CNTNAP2: variants seen among roughly 807,000 people sequenced by gnomAD.
CNTNAP2 encodes contactin-associated protein-like 2.
In CNTNAP2, 98 loss-of-function variants were observed where a neutral mutation model predicts 155.2. The observed-to-expected ratio is 0.63, with a 90% CI of 0.54 to 0.75. The LOEUF (loss-of-function observed/expected upper bound fraction) is 0.75, where lower values mean the gene tolerates loss of function less well. Among genes scored for constraint, CNTNAP2 ranks in the 30% least tolerant of loss-of-function variants. CNTNAP2 has a pLI of 0.00. For missense variants in CNTNAP2, 1,727 were observed against 1,688.1 expected (o/e 1.02, Z -0.40); for synonymous variants, 651 against 631.2 (o/e 1.03, Z -0.47).
chr7:147,291,294 A>G (rs1483047319), intron 8 of CNTNAP2, among the ~76,000 whole-genome samples: 1 of 151,978 alleles, frequency 6.6e-6, no homozygotes, highest in East Asian at 1.9e-4. Context: ...TGCATGAGGT[A>G]TTTGTCCTAA....
chr7:147,292,338 G>T (rs1805333289), intron 8 of CNTNAP2, among the ~76,000 whole-genome samples: 1 of 151,972 alleles, frequency 6.6e-6, no homozygotes, highest in Non-Finnish European at 1.5e-5. Flanking sequence ...AAAAACAATT[G>T]ACTACCTACA....
At chr7:147,491,563 G>C (rs1224731599) in intron 11 of CNTNAP2, among the ~76,000 whole-genome samples, 1 of 152,156 alleles carries the variant, frequency 6.6e-6, no homozygotes, top group Non-Finnish European at 1.5e-5. Flanking sequence ...TGCATCTCTG[G>C]CAGGAGGTGG....
Position 146,873,792 on chromosome 7 carries a change from A to G in CNTNAP2, c.402+33888A>G, listed in dbSNP as rs531994649. ...TGAGGGGGAAGTGTTTACTACATTC[A>G]GAGAGCCTGGGTCATATTCTGTTAG... On this transcript the variant is annotated intron_variant, in intron 3 of 23. Transcript: ENST00000361727. 5.9e-5 allele frequency among the ~76,000 whole-genome samples: 9 copies of G among 152,312 alleles called. No individual in the cohort carries two copies. In the East Asian group the frequency reaches 1.7e-3, roughly 29 times the overall value.
intron 8 of CNTNAP2, among the ~76,000 whole-genome samples, chr7:147,263,352 C>A (rs1242577002): frequency 2.1e-5 from 3 of 144,894 alleles, no homozygotes; most frequent in Non-Finnish European, 4.5e-5. Flanking sequence ...CAGAGGGAGA[C>A]CCTGCCTGGG....
At chr7:147,041,177 C>T (rs371959894) in intron 3 of CNTNAP2, among the ~76,000 whole-genome samples, 1 of 152,084 alleles carries the variant, frequency 6.6e-6, no homozygotes, top group African/African-American at 2.4e-5. Context: ...TCAGACAGAA[C>T]CTGTTAAAAG....
At chr7:146,166,355 A>G (rs1798312325) in intron 1 of CNTNAP2, among the ~76,000 whole-genome samples, 1 of 152,110 alleles carries the variant, frequency 6.6e-6, no homozygotes, top group African/African-American at 2.4e-5. Context: ...GGCATCCCAA[A>G]GTGCTGGGAT....
chr7:147,253,382 TG>T (rs1266992354), intron 8 of CNTNAP2, among the ~76,000 whole-genome samples: 1 of 139,100 alleles, frequency 7.2e-6, no homozygotes, highest in Non-Finnish European at 1.6e-5. Context: ...ACAGGTTCTC[TG>T]TTTTTTTTTT....
At chr7:147,017,695 C>G (rs1798748641) in intron 3 of CNTNAP2, among the ~76,000 whole-genome samples, 1 of 151,644 alleles carries the variant, frequency 6.6e-6, no homozygotes, top group Admixed American at 6.6e-5. Context: ...TTACAATACA[C>G]TCTCAAGTCT....
intron 13 of CNTNAP2, among the ~76,000 whole-genome samples, chr7:147,775,378 TATATATATTTATAA>T (rs1251054622): frequency 1.7e-4 from 15 of 87,768 alleles, no homozygotes; most frequent in African/African-American, 5.5e-4. Flanking sequence ...TATATATATT[TATATATATTTATAA>T]ATATATATAT....
intron 4 of CNTNAP2, among the ~76,000 whole-genome samples, chr7:147,090,145 T>C (rs2129272623): frequency 6.6e-6 from 1 of 152,278 alleles, no homozygotes; most frequent in Admixed American, 6.5e-5. Flanking sequence ...CATTCATGCA[T>C]GTTATGGTAA....
At chr7:146,868,459 CA>C (rs1422150917) in intron 3 of CNTNAP2, among the ~76,000 whole-genome samples, 1 of 152,136 alleles carries the variant, frequency 6.6e-6, no homozygotes, top group African/African-American at 2.4e-5. Flanking sequence ...GTGAGGCCTC[CA>C]GCCTTATTCT....
At chr7:147,878,600 T>C (rs1428530077) in intron 13 of CNTNAP2, among the ~76,000 whole-genome samples, 1 of 152,240 alleles carries the variant, frequency 6.6e-6, no homozygotes, top group Non-Finnish European at 1.5e-5. Context: ...AATAACTTAT[T>C]CTAGTTTAAT....
intron 13 of CNTNAP2, among the ~76,000 whole-genome samples, chr7:147,786,450 A>T (rs1050356467): frequency 2.0e-5 from 3 of 152,208 alleles, no homozygotes; most frequent in East Asian, 1.9e-4. Flanking sequence ...CACAACTGTG[A>T]CCTTTATACA....
chr7:147,520,930 C>T (rs894096406), intron 11 of CNTNAP2, among the ~76,000 whole-genome samples: 3 of 152,182 alleles, frequency 2.0e-5, no homozygotes, highest in African/African-American at 7.2e-5. Flanking sequence ...CTGGATATCT[C>T]CCTCCAAAGG....
rs143928281 is a variant in CNTNAP2 at position 147,320,635 on chromosome 7, C to A, written c.1498+20345C>A. ...GGTAGAGTAGTATATAAATTAAAAA[C>A]CTGTTTACTGTGAAATACACTCCTC... On this transcript the variant is annotated intron_variant, in intron 9 of 23. Coordinates refer to ENST00000361727, the MANE Select transcript of CNTNAP2 (RefSeq NM_014141.6). Among the ~76,000 whole-genome samples, 265 of 152,220 alleles carry A rather than the reference C, an allele frequency of 1.7e-3. 1 individual carries two copies. Among genetic ancestry groups the A allele is most frequent in the African/African-American group, 6.2e-3 (258 of 41,546 alleles).
At chr7:147,948,658 C>CATATATATATATATATATAT in intron 14 of CNTNAP2, among the ~76,000 whole-genome samples, 1 of 148,648 alleles carries the variant, frequency 6.7e-6, no homozygotes, top group Non-Finnish European at 1.5e-5. Context: ...CACACACACA[C>CATATATATATATATATATAT]ATATATATAT....
intron 18 of CNTNAP2, among the ~76,000 whole-genome samples, chr7:148,197,907 T>C (rs1486451106): frequency 1.3e-5 from 2 of 152,242 alleles, no homozygotes; most frequent in Non-Finnish European, 2.9e-5. Context: ...TCCTACACCA[T>C]ACAGATTAGT....
At chr7:148,110,586 C>T (rs1298102941) in intron 15 of CNTNAP2, among the ~76,000 whole-genome samples, 1 of 152,222 alleles carries the variant, frequency 6.6e-6, no homozygotes, top group Non-Finnish European at 1.5e-5. Flanking sequence ...AGTTACTTCA[C>T]TACTGGCAGT....
intron 10 of CNTNAP2, among the ~76,000 whole-genome samples, chr7:147,468,390 G>T (rs997520459): frequency 6.6e-6 from 1 of 152,166 alleles, no homozygotes; most frequent in African/African-American, 2.4e-5. Context: ...ATTAACTTGT[G>T]AAAATATATC....
Sources: gnomAD v4.1 joint callset for allele counts (sites outside exome capture counted in the v4.1 genomes callset) on GRCh38, gnomAD v4.1.1 for gene constraint, MANE v1.5 for transcripts, NCBI Gene and HGNC (gene_info 2026-07-23, HGNC 2026-07-21) for gene names.